GRIK2: variants seen among roughly 807,000 people sequenced by gnomAD.
GRIK2 encodes the protein glutamate ionotropic receptor kainate type subunit 2, also known as glutamate receptor ionotropic, kainate 2.
In GRIK2, 32 loss-of-function variants were observed where a neutral mutation model predicts 100.3. The observed-to-expected ratio is 0.32, with a 90% CI of 0.24 to 0.43. The LOEUF (loss-of-function observed/expected upper bound fraction) is 0.43. Among genes scored for constraint, GRIK2 ranks in the 20% least tolerant of loss-of-function variants. The pLI is 1.00. For missense variants in GRIK2, 843 were observed against 1,114.9 expected (o/e 0.76, Z 3.47); for synonymous variants, 417 against 389.4 (o/e 1.07, Z -0.83).
chr6:101,994,198 A>G (rs879780011), intron 14 of GRIK2, among the ~76,000 whole-genome samples: 34 of 151,150 alleles, frequency 2.2e-4, no homozygotes, highest in East Asian at 2.0e-4. Context: ...CTTTATGCCA[A>G]TAGTCATTCC....
At chr6:101,984,926 G>A (rs1793935800) in intron 14 of GRIK2, among the ~76,000 whole-genome samples, 1 of 151,654 alleles carries the variant, frequency 6.6e-6, no homozygotes, top group Admixed American at 6.6e-5. Flanking sequence ...GTGAATGTAA[G>A]TTGAGTTCTT....
chr6:101,438,155 T>C (rs950908996), intron 2 of GRIK2, among the ~76,000 whole-genome samples: 6 of 152,100 alleles, frequency 3.9e-5, no homozygotes, highest in African/African-American at 1.4e-4. Flanking sequence ...TTAAGTCTCA[T>C]TGTAATTCTA....
chr6:101,581,096 A>G (rs540548799), intron 2 of GRIK2, among the ~76,000 whole-genome samples: 4 of 151,782 alleles, frequency 2.6e-5, no homozygotes, highest in African/African-American at 7.3e-5. Context: ...AGACTCTACA[A>G]TAGTGCCCAG....
At chr6:101,547,014 G>C (rs566002517) in intron 2 of GRIK2, among the ~76,000 whole-genome samples, 34 of 150,416 alleles carry the variant, frequency 2.3e-4, no homozygotes, top group Admixed American at 7.9e-4. Context: ...TGTATTTTTA[G>C]TAGAGACGGG....
intron 10 of GRIK2, among the ~76,000 whole-genome samples, chr6:101,857,135 G>A (rs1390571835): frequency 6.6e-6 from 1 of 152,094 alleles, no homozygotes; most frequent in Middle Eastern, 3.2e-3. Flanking sequence ...ATGGTGTGGG[G>A]ACAGCAATGA....
intron 14 of GRIK2, among the ~76,000 whole-genome samples, chr6:102,008,373 T>C (rs1302854047): frequency 6.6e-6 from 1 of 152,098 alleles, no homozygotes; most frequent in Non-Finnish European, 1.5e-5. Flanking sequence ...CATAAGCTGT[T>C]TGATGGAACC....
intron 7 of GRIK2, among the ~76,000 whole-genome samples, chr6:101,697,340 C>CGTGT (rs63654860): frequency 2.0e-3 from 295 of 146,812 alleles, no homozygotes; most frequent in African/African-American, 4.4e-3. Context: ...TTAGGGTGTA[C>CGTGT]GTGTGTGTGT....
chr6:102,016,642 A>C (rs1036867828), intron 14 of GRIK2, among the ~76,000 whole-genome samples: 1 of 152,030 alleles, frequency 6.6e-6, no homozygotes, highest in Non-Finnish European at 1.5e-5. Flanking sequence ...GACTGAATCT[A>C]CAACTCAATG....
rs143075312 is a variant in GRIK2, at chr6:101,712,157, T to C, written c.951+25804T>C. On this transcript the variant is annotated intron_variant, in intron 7 of 16. Coordinates refer to ENST00000369134, the MANE Select transcript of GRIK2 (RefSeq NM_021956.5). ...ATGGAACCAATCATAGAAAATTTTA[T>C]ATTTAGCTCCTCAACACACTAAAGT... 2.6e-5 allele frequency among the ~76,000 whole-genome samples: 4 copies of C among 151,960 alleles called. No individual in the cohort carries two copies. The East Asian group carries it at 7.8e-4, about 30-fold the overall frequency.
At chr6:101,614,936 G>T (rs1044901317) in intron 2 of GRIK2, among the ~76,000 whole-genome samples, 1 of 151,662 alleles carries the variant, frequency 6.6e-6, no homozygotes, top group African/African-American at 2.4e-5. Context: ...AAAGAGAAAG[G>T]CATTGACTAG....
chr6:101,500,736 T>C (rs1187847587), intron 2 of GRIK2, among the ~76,000 whole-genome samples: 1 of 152,096 alleles, frequency 6.6e-6, no homozygotes, highest in Non-Finnish European at 1.5e-5. Context: ...CTTCAAAGAC[T>C]TGTATTTATG....
intron 7 of GRIK2, among the ~76,000 whole-genome samples, chr6:101,764,707 G>A (rs1175830283): frequency 6.6e-6 from 1 of 151,952 alleles, no homozygotes; most frequent in Non-Finnish European, 1.5e-5. Flanking sequence ...AAGTCACTAG[G>A]ATTATTTTTA....
intron 12 of GRIK2, among the ~76,000 whole-genome samples, chr6:101,918,367 TTGTAA>T (rs1293591785): frequency 1.3e-5 from 2 of 151,868 alleles, no homozygotes; most frequent in South Asian, 2.1e-4. Flanking sequence ...TCTTCATTAG[TTGTAA>T]TGTAGTTTGC....
intron 7 of GRIK2, among the ~76,000 whole-genome samples, chr6:101,724,899 T>G (rs926416557): frequency 2.0e-5 from 3 of 151,988 alleles, no homozygotes; most frequent in African/African-American, 7.2e-5. Flanking sequence ...TGTTTAACAT[T>G]TCCTTACCCC....
At position 101,630,173 on chromosome 6, in the gene GRIK2, C is replaced by T. The variant is rs79426050; in HGVS notation, c.541+3536C>T. 2.6e-5 allele frequency among the ~76,000 whole-genome samples: 4 copies of T among 152,190 alleles called. No homozygotes were observed. In the East Asian group the frequency reaches 7.7e-4, roughly 29 times the overall value. On this transcript the variant is annotated intron_variant, in intron 4 of 16. Coordinates refer to ENST00000369134, the MANE Select transcript of GRIK2 (RefSeq NM_021956.5). ...CTGTTGTGAATAGTGCTGCAATGAA[C>T]ATATGCATGCATGTGTCTATTTGAT...
At chr6:101,889,560 T>C in intron 11 of GRIK2, 80 bp from the exon 12 acceptor site, 1 of 773,144 alleles carries the variant, frequency 1.3e-6, no homozygotes, top group South Asian at 1.7e-5. Context: ...GATTACTGAT[T>C]TTTTCTTGTG....
chr6:101,580,701 C>T (rs574570331), intron 2 of GRIK2, among the ~76,000 whole-genome samples: 1 of 152,180 alleles, frequency 6.6e-6, no homozygotes, highest in African/African-American at 2.4e-5. Flanking sequence ...AAGTTCCTAC[C>T]ATCTTTCTCT....
In GRIK2 at chr6:101,527,714, G is replaced by A. The variant is rs190325756; in HGVS notation, c.116-94235G>A. 4.4e-3 allele frequency among the ~76,000 whole-genome samples: 675 copies of A among 152,230 alleles called. 9 individuals carry two copies. Among genetic ancestry groups the A allele is most frequent in the African/African-American group, 0.016 (645 of 41,534 alleles). The stretch of plus-strand genomic sequence containing the variant: ...GATGCCAGAAGTGGTCATCTTAAGA[G>A]CTTGTTCAAGGGCTATACTTTAGAG... On this transcript the variant is annotated intron_variant, in intron 2 of 16. Coordinates refer to ENST00000369134, the MANE Select transcript of GRIK2 (RefSeq NM_021956.5).
chr6:101,709,769 G>A (rs1013644683), intron 7 of GRIK2, among the ~76,000 whole-genome samples: 1 of 151,744 alleles, frequency 6.6e-6, no homozygotes, highest in Non-Finnish European at 1.5e-5. Flanking sequence ...GCAGTATCTG[G>A]ATTGCAGGGT....
Sources: allele counts gnomAD v4.1 joint callset (sites outside exome capture counted in the v4.1 genomes callset), GRCh38; gene constraint gnomAD v4.1.1; transcripts MANE v1.5; gene names NCBI Gene and HGNC (gene_info 2026-07-23, HGNC 2026-07-21).